Variants in TMEM255B observed in about 807,000 individuals in gnomAD.
The protein encoded by TMEM255B is transmembrane protein 255B, also known as family with sequence similarity 70, member B.
A neutral mutation model predicts 34.5 loss-of-function variants in TMEM255B; 35 were observed. The ratio of observed to expected loss-of-function variants is 1.01; its 90% CI spans 0.77 to 1.34. TMEM255B has a LOEUF of 1.34. TMEM255B is among the 40% of genes most tolerant of loss of function. The probability of loss-of-function intolerance (pLI) is 0.00; values close to 1 mark genes in which losing one functional copy is unlikely to be tolerated. For synonymous variants in TMEM255B, 206 were observed against 201.2 expected, an observed-to-expected ratio of 1.02 and a Z score of -0.20; for missense variants, 432 against 433.2, an observed-to-expected ratio of 1.00 and a Z score of 0.02.
At chr13:113,804,598 C>T (rs1439295577) in intron 7 of TMEM255B, among the ~76,000 whole-genome samples, 2 of 149,042 alleles carry the variant, frequency 1.3e-5, no homozygotes, top group Non-Finnish European at 3.0e-5. Flanking sequence ...TGGGTATAAA[C>T]GCACGCCGGG....
intron 3 of TMEM255B, 56 bp from the exon 4 acceptor site, chr13:113,795,092 G>A (rs916752012): frequency 7.9e-5 from 122 of 1,552,722 alleles, no homozygotes; most frequent in East Asian, 1.1e-4. Context: ...ATTGGTTTGC[G>A]TTTGAAAACC....
chr13:113,760,909 T>C (rs895121155), intron 1 of TMEM255B, among the ~76,000 whole-genome samples: 2 of 150,476 alleles, frequency 1.3e-5, no homozygotes, highest in African/African-American at 4.9e-5. Flanking sequence ...TGGGGGTGGG[T>C]TATGGTCTTT....
At chr13:113,762,412 A>C (rs1239064437) in intron 1 of TMEM255B, among the ~76,000 whole-genome samples, 6 of 152,108 alleles carry the variant, frequency 3.9e-5, no homozygotes, top group Non-Finnish European at 7.4e-5. Flanking sequence ...TGTAAGTTCT[A>C]CTGTCTTTCT....
intron 3 of TMEM255B, among the ~76,000 whole-genome samples, chr13:113,786,573 CCAT>C (rs79463344): frequency 2.0e-3 from 301 of 151,604 alleles, no homozygotes; most frequent in African/African-American, 5.9e-3. Context: ...ACCGTCATCA[CCAT>C]CATCATCACC....
At chr13:113,782,108 C>T (rs944097072) in intron 3 of TMEM255B, among the ~76,000 whole-genome samples, 3 of 152,186 alleles carry the variant, frequency 2.0e-5, no homozygotes, top group African/African-American at 7.2e-5. Flanking sequence ...CAACTGTTTA[C>T]ATTTTTGAAG....
chr13:113,799,369 C>T lies in TMEM255B; in HGVS notation c.373C>T (p.Gln125Ter), dbSNP rs373271717. The T allele has an allele frequency of 1.5e-5, 25 of 1,614,034 alleles. No individual in the cohort carries two copies. The highest frequency in any genetic ancestry group is 2.1e-5 in the Non-Finnish European group (25 of 1,180,038). Residue 125 changes from glutamine (Q) to a stop codon, truncating the protein, a stop_gained, in exon 5 of 9, where the codon CAG becomes TAG. Coordinates refer to ENST00000375353, the MANE Select transcript of TMEM255B (RefSeq NM_182614.4). LOFTEE classifies it high-confidence loss of function. ...EPRPLTTGRC[Q>*]FYSSGVGYLY... is the part of the protein sequence containing the mutation. Reference sequence around the variant, plus strand: ...GAGGCCCCTCACCACGGGAAGATGCCAGTTTTACTCCAGTGGGGTGGGGTA... The same window carrying T: ...GAGGCCCCTCACCACGGGAAGATGCTAGTTTTACTCCAGTGGGGTGGGGTA...
chr13:113,786,512 A>G (rs2050745256), intron 3 of TMEM255B, among the ~76,000 whole-genome samples: 1 of 121,048 alleles, frequency 8.3e-6, no homozygotes, highest in Admixed American at 8.5e-5. Context: ...CATCACCATC[A>G]TCACCATTGT....
rs1400790690 is a variant in TMEM255B, at chr13:113,811,880, A to C, written c.958A>C (p.Lys320Gln). ...ACCCACCTACTTTCCCCCGGGGGAGAAGCCACCCCCCTACGCACCCTGATA... is the reference window on the plus strand; with the variant it reads ...ACCCACCTACTTTCCCCCGGGGGAGCAGCCACCCCCCTACGCACCCTGATA... ...YAPTYFPPGE[K>Q]PPPYAP The change falls in exon 9 of 9, where the codon AAG becomes CAG. Residue 320 changes from lysine to glutamine, a missense_variant. By Grantham distance (53) the Lys-to-Gln change is moderately conservative. Transcript: ENST00000375353. 6.8e-6 allele frequency: 11 copies of C among 1,612,340 alleles called. No homozygotes were observed. The highest frequency in any genetic ancestry group is 9.3e-6 in the Non-Finnish European group (11 of 1,179,310).
intron 3 of TMEM255B, among the ~76,000 whole-genome samples, chr13:113,786,734 G>A (rs2050752860): frequency 6.6e-6 from 1 of 152,228 alleles, no homozygotes; most frequent in African/African-American, 2.4e-5. Flanking sequence ...CTCTGCTGGG[G>A]AGTGAATTTC....
intron 2 of TMEM255B, among the ~76,000 whole-genome samples, chr13:113,767,211 T>A (rs1470238137): frequency 6.6e-6 from 1 of 152,266 alleles, no homozygotes; most frequent in East Asian, 1.9e-4. Flanking sequence ...CAAATACTGT[T>A]TATTTCACCA....
intron 3 of TMEM255B, among the ~76,000 whole-genome samples, chr13:113,782,989 T>C (rs1376340986): frequency 6.6e-6 from 1 of 152,206 alleles, no homozygotes; most frequent in Non-Finnish European, 1.5e-5. Context: ...GTTAAAGACA[T>C]GGAAGGCTGC....
rs77095672 is a variant in TMEM255B, at chr13:113,804,866, C to T, written c.670-19C>T. ...CACTAGGGGGTACACGCCGACCACC[C>T]GTCTCCTCTCCATGGCAGGTGCCTC... On this transcript the variant is annotated intron_variant, in intron 7 of 8. Coordinates refer to ENST00000375353, the MANE Select transcript of TMEM255B (RefSeq NM_182614.4). 19,153 of 1,587,796 alleles carry T rather than the reference C, an allele frequency of 0.012. 1,968 individuals are homozygous for T. The African/African-American group carries it at 0.22, about 18-fold the overall frequency.
In TMEM255B at chr13:113,799,710, T is replaced by C. The variant is rs569794576; in HGVS notation, c.423+291T>C. The C allele has an allele frequency of 1.4e-4, 97 of 696,172 alleles. No individual in the cohort carries two copies. The South Asian group carries it at 1.4e-3, about 10-fold the overall frequency. 43.1% of individuals were successfully genotyped at this position (696,172 alleles called of 1,614,324 possible). On this transcript the variant is annotated intron_variant, in intron 5 of 8. Transcript: ENST00000375353. ...CTCTTCCAATTAGCATTTTTCTAAT[T>C]TAATTATTGCAATAAGAAGCAAGGA... is the stretch of plus-strand genomic sequence containing the variant.
Position 113,768,901 on chromosome 13 carries a change from G to A in TMEM255B, c.190-197G>A, listed in dbSNP as rs537154531. The A allele has an allele frequency of 8.8e-6, 6 of 679,654 alleles. No individual in the cohort carries two copies. The East Asian group carries it at 1.5e-4, about 16-fold the overall frequency. 42.1% of individuals were successfully genotyped at this position (679,654 alleles called of 1,614,324 possible). On this transcript the variant is annotated intron_variant, in intron 2 of 8. Coordinates refer to ENST00000375353, the MANE Select transcript of TMEM255B (RefSeq NM_182614.4). ...CCTCTGAGCAGAGAAGACAGGACAG[G>A]TGATGTTGCAGAGATGCCTGCCCAA...
chr13:113,763,641 T>C (rs907422585), intron 1 of TMEM255B, among the ~76,000 whole-genome samples: 4 of 152,248 alleles, frequency 2.6e-5, no homozygotes, highest in Non-Finnish European at 5.9e-5. Flanking sequence ...ATTTTATGCC[T>C]ACTTGTTAAT....
rs1434556416 is a variant in TMEM255B at position 113,766,186 on chromosome 13, G to C, written c.118G>C (p.Val40Leu). 6.2e-7 allele frequency: 1 copy of C among 1,614,236 alleles called. No individual in the cohort carries two copies. Among genetic ancestry groups the C allele is most frequent in the East Asian group, 2.2e-5 (1 of 44,878 alleles). Residue 40 changes from valine to leucine, a missense_variant, in exon 2 of 9, where the codon GTC becomes CTC. Coordinates refer to ENST00000375353, the MANE Select transcript of TMEM255B (RefSeq NM_182614.4). ...TCTGCTGCTGGTGTCCGTCCTCATA[G>C]TCACCGTCGGGCTGGCTGCCACCAC... Reference protein sequence around the residue: ...GSLLLVSVLIVTVGLAATTRT... With the variant: ...GSLLLVSVLILTVGLAATTRT...
At chr13:113,808,796 G>GC (rs1555302350) in intron 8 of TMEM255B, among the ~76,000 whole-genome samples, 1 of 110,282 alleles carries the variant, frequency 9.1e-6, no homozygotes, top group Non-Finnish European at 1.8e-5. Flanking sequence ...GGTTCCTGGG[G>GC]GGGGGGTTAC....
intron 8 of TMEM255B, among the ~76,000 whole-genome samples, chr13:113,807,597 T>C (rs376045875): frequency 2.2e-4 from 17 of 77,514 alleles, no homozygotes; most frequent in African/African-American, 5.8e-4. Context: ...TGGTCCTCCC[T>C]GTCACACGTG....
At chr13:113,781,487 C>A (rs1001680125) in intron 3 of TMEM255B, among the ~76,000 whole-genome samples, 2 of 152,204 alleles carry the variant, frequency 1.3e-5, no homozygotes, top group African/African-American at 2.4e-5. Flanking sequence ...TAAACTGTTT[C>A]TTCAATAGTC....
Sources: allele counts gnomAD v4.1 joint callset (sites outside exome capture counted in the v4.1 genomes callset), GRCh38; gene constraint gnomAD v4.1.1; transcripts MANE v1.5; gene names NCBI Gene and HGNC (gene_info 2026-07-23, HGNC 2026-07-21).